The following VPS8 variants were observed in gnomAD, a reference collection of about 807,000 sequenced individuals.
The protein encoded by VPS8 is VPS8 subunit of CORVET complex.
A neutral mutation model predicts 216.4 loss-of-function variants in VPS8; 129 were observed. That is an observed-to-expected ratio of 0.60 (90% CI 0.52 to 0.69). The LOEUF is 0.69. VPS8 is among the 30% of genes least tolerant of loss of function. The pLI, the probability that VPS8 is intolerant of heterozygous loss-of-function variation, is 0.00. For missense variants in VPS8, 1,531 were observed against 1,683.5 expected, an observed-to-expected ratio of 0.91 and a Z score of 1.59; for synonymous variants, 571 against 565.4, an observed-to-expected ratio of 1.01 and a Z score of -0.14.
intron 46 of VPS8, among the ~76,000 whole-genome samples, chr3:185,047,027 C>T (rs898591752): frequency 6.6e-6 from 1 of 152,228 alleles, no homozygotes; most frequent in Non-Finnish European, 1.5e-5. Context: ...CTTAGCAGCT[C>T]TCATTTCCAT....
intron 22 of VPS8, 124 bp from the exon 23 acceptor site, chr3:184,894,579 T>C: frequency 1.5e-6 from 1 of 663,852 alleles, no homozygotes; most frequent in Non-Finnish European, 2.5e-6. Context: ...TGAATATTAT[T>C]GCCATTTTAA....
chr3:184,848,564 C>CTTTTT (rs35715889), intron 8 of VPS8, among the ~76,000 whole-genome samples: 58 of 87,178 alleles, frequency 6.7e-4, no homozygotes, highest in Non-Finnish European at 7.2e-4. Flanking sequence ...TTCCTGTATT[C>CTTTTT]TTTTTTTTTT....
At chr3:184,930,230 T>C (rs1740442952) in intron 33 of VPS8, among the ~76,000 whole-genome samples, 1 of 152,210 alleles carries the variant, frequency 6.6e-6, no homozygotes, top group African/African-American at 2.4e-5. Context: ...CTTCATTAGG[T>C]CACTGAAGAT....
At chr3:184,895,592 CT>C in intron 23 of VPS8, among the ~76,000 whole-genome samples, 3 of 82,030 alleles carry the variant, frequency 3.7e-5, no homozygotes, top group Admixed American at 1.1e-4. Flanking sequence ...CCTCCTGCTC[CT>C]CCTCCTCCCC....
intron 47 of VPS8, among the ~76,000 whole-genome samples, chr3:185,049,411 C>T (rs1713685714): frequency 6.6e-6 from 1 of 152,150 alleles, no homozygotes; most frequent in African/African-American, 2.4e-5. Context: ...CAGCACTAGG[C>T]TCACTCCTCA....
chr3:184,860,094 A>C (rs1313501026), intron 15 of VPS8, 29 bp downstream of exon 15: 2 of 1,509,428 alleles, frequency 1.3e-6, no homozygotes, highest in East Asian at 4.5e-5. Flanking sequence ...AAATATCCCC[A>C]TTTAGTTCAT....
At chr3:185,047,992 T>C (rs1227047309) in intron 46 of VPS8, among the ~76,000 whole-genome samples, 1 of 152,122 alleles carries the variant, frequency 6.6e-6, no homozygotes, top group Non-Finnish European at 1.5e-5. Flanking sequence ...CCGGCCCTTT[T>C]CCCAAAAGCA....
intron 17 of VPS8, 34 bp downstream of exon 17, chr3:184,866,984 A>G (rs1727476177): frequency 1.9e-6 from 3 of 1,600,864 alleles, no homozygotes; most frequent in Non-Finnish European, 2.6e-6. Context: ...TGGTATTTGT[A>G]TGTATCAGGG....
chr3:184,926,345 C>G (rs1020303687), intron 30 of VPS8, among the ~76,000 whole-genome samples: 1 of 150,626 alleles, frequency 6.6e-6, no homozygotes, highest in Non-Finnish European at 1.5e-5. Context: ...CCACTGCACT[C>G]CAGCCTGGGC....
At chr3:184,813,756 A>T (rs913423187) in intron 1 of VPS8, 4 of 152,228 alleles carry the variant, frequency 2.6e-5, no homozygotes, top group Admixed American at 2.6e-4. Context: ...ATATTGGGAC[A>T]TGTTGGTGAT....
intron 5 of VPS8, among the ~76,000 whole-genome samples, chr3:184,835,901 C>T (rs1720986322): frequency 6.6e-6 from 1 of 151,572 alleles, no homozygotes; most frequent in Non-Finnish European, 1.5e-5. Context: ...AGTAGAGACA[C>T]GGTTTCAACG....
In VPS8 at chr3:184,817,875, G is replaced by A. The variant is rs192610539; in HGVS notation, c.-89+5650G>A. ...TAGCTGGGGAGAAAAGAGTCACATG[G>A]TAAATTAACTAATGAATCAGCATGA... is the stretch of plus-strand genomic sequence containing the variant. On this transcript the variant is annotated intron_variant, in intron 1 of 47. Transcript: ENST00000625842. Among the ~76,000 whole-genome samples, 20 of 152,316 alleles carry A rather than the reference G, an allele frequency of 1.3e-4. No individual in the cohort carries two copies. The South Asian group carries it at 1.4e-3, about 11-fold the overall frequency.
chr3:184,982,034 G>A (rs565018833), intron 40 of VPS8, among the ~76,000 whole-genome samples: 1 of 151,684 alleles, frequency 6.6e-6, no homozygotes, highest in East Asian at 1.9e-4. Context: ...CCTGGTCCGT[G>A]ATGACTTAGG....
At chr3:184,887,180 A>C (rs1731443626) in intron 22 of VPS8, among the ~76,000 whole-genome samples, 2 of 152,010 alleles carry the variant, frequency 1.3e-5, no homozygotes, top group Non-Finnish European at 2.9e-5. Flanking sequence ...TTGTCTCTAC[A>C]AGTAAATTTT....
chr3:184,865,249 C>T (rs1204129138), intron 16 of VPS8, among the ~76,000 whole-genome samples: 3 of 152,134 alleles, frequency 2.0e-5, no homozygotes, highest in African/African-American at 7.2e-5. Context: ...AACTAATGGT[C>T]AAAAACTTTT....
intron 36 of VPS8, 27 bp downstream of exon 36, chr3:184,940,270 T>TTATA (rs5855048): frequency 0.42 from 242,729 of 573,584 alleles, 40,038 homozygotes; most frequent in East Asian, 0.52. Flanking sequence ...TAGTCTTTCA[T>TTATA]TATATATATA....
chr3:184,967,067 A>G (rs952945547), intron 39 of VPS8, among the ~76,000 whole-genome samples: 1 of 152,024 alleles, frequency 6.6e-6, no homozygotes, highest in Non-Finnish European at 1.5e-5. Context: ...TCCAGGCTTA[A>G]GCAGTCCTTC....
chr3:184,953,233 T>A (rs1365089240), intron 36 of VPS8, among the ~76,000 whole-genome samples: 1 of 152,158 alleles, frequency 6.6e-6, no homozygotes, highest in Non-Finnish European at 1.5e-5. Context: ...AGACCAGACA[T>A]CCCTGATGGC....
At chr3:184,956,082 G>A (rs200787921) in intron 36 of VPS8, among the ~76,000 whole-genome samples, 1 of 151,944 alleles carries the variant, frequency 6.6e-6, no homozygotes, top group African/African-American at 2.4e-5. Flanking sequence ...TTAGTTTATC[G>A]TTTACCCACC....
Sources: gnomAD v4.1 joint callset for allele counts (sites outside exome capture counted in the v4.1 genomes callset) on GRCh38, gnomAD v4.1.1 for gene constraint, MANE v1.5 for transcripts, NCBI Gene and HGNC (gene_info 2026-07-23, HGNC 2026-07-21) for gene names.